SLC25A26: variants seen among roughly 807,000 people sequenced by gnomAD.
The protein encoded by SLC25A26 is mitochondrial S-adenosylmethionine carrier protein.
In SLC25A26, 36 loss-of-function variants were observed where a neutral mutation model predicts 37.8. The ratio of observed to expected loss-of-function variants is 0.95; its 90% CI spans 0.73 to 1.26. The LOEUF (loss-of-function observed/expected upper bound fraction) is 1.26, where lower values mean the gene tolerates loss of function less well. Ranked by LOEUF, SLC25A26 falls within the 50% of genes most tolerant of loss-of-function variation. The probability of loss-of-function intolerance (pLI) is 0.00; values close to 1 mark genes in which losing one functional copy is unlikely to be tolerated. For synonymous variants in SLC25A26, 129 were observed against 122.5 expected (o/e 1.05, Z -0.35); for missense variants, 390 against 331.1 (o/e 1.18, Z -1.38).
intron 1 of SLC25A26, among the ~76,000 whole-genome samples, chr3:66,139,625 C>T (rs1451180709): frequency 6.6e-6 from 1 of 152,138 alleles, no homozygotes; most frequent in Non-Finnish European, 1.5e-5. Context: ...ATAAACAGGG[C>T]CCTGGCCATT....
At chr3:66,240,163 G>A (rs1162363222) in intron 2 of SLC25A26, among the ~76,000 whole-genome samples, 4 of 152,168 alleles carry the variant, frequency 2.6e-5, no homozygotes, top group African/African-American at 9.7e-5. Context: ...TTAGTGTCAC[G>A]TGGCATTTTA....
At chr3:66,371,182 AATG>A (rs1417177607) in intron 9 of SLC25A26, 7 of 1,471,252 alleles carry the variant, frequency 4.8e-6, no homozygotes, top group African/African-American at 2.8e-5. Flanking sequence ...AGGCATGTGA[AATG>A]ATGATTTTTC....
chr3:66,210,591 T>C (rs2071272137), intron 1 of SLC25A26, among the ~76,000 whole-genome samples: 1 of 152,086 alleles, frequency 6.6e-6, no homozygotes, highest in Non-Finnish European at 1.5e-5. Context: ...CTTTGCTCAC[T>C]GCAGCCTTGA....
At chr3:66,260,454 G>C (rs2073481082) in intron 3 of SLC25A26, among the ~76,000 whole-genome samples, 1 of 152,184 alleles carries the variant, frequency 6.6e-6, no homozygotes, top group Non-Finnish European at 1.5e-5. Flanking sequence ...AGATGATATC[G>C]TTTTGTAAAT....
chr3:66,220,952 A>C, upstream of SLC25A26: 9 of 867,572 alleles, frequency 1.0e-5, no homozygotes, highest in Non-Finnish European at 1.7e-5. Context: ...CTCGCGTTGC[A>C]CGTGCAGTTG....
chr3:66,181,531 A>G (rs959694649), intron 1 of SLC25A26, among the ~76,000 whole-genome samples: 1 of 152,230 alleles, frequency 6.6e-6, no homozygotes, highest in Non-Finnish European at 1.5e-5. Context: ...TTTACAAAGT[A>G]CTTCCATAGC....
At chr3:66,210,542 G>C (rs962806809) in intron 1 of SLC25A26, among the ~76,000 whole-genome samples, 1 of 151,952 alleles carries the variant, frequency 6.6e-6, no homozygotes, top group Non-Finnish European at 1.5e-5. Flanking sequence ...TGAGATGGGG[G>C]TCTCACTCTG....
Position 66,209,016 on chromosome 3 carries a change from A to T in SLC25A26, c.-353-11726A>T, listed in dbSNP as rs1576639273. Among the ~76,000 whole-genome samples, 39 of 122,952 alleles carry T rather than the reference A, an allele frequency of 3.2e-4. No homozygotes were observed. In the East Asian group the frequency reaches 5.3e-3, roughly 17 times the overall value. 80.7% of individuals were successfully genotyped at this position (122,952 alleles called of 152,430 possible). A position where few individuals can be genotyped will look rare whatever the true frequency, so the allele number is the denominator to read the frequency against. ...TATGTACCCATATAAAGGTATATAT[A>T]TATATACACACCCATATAAAGGTGT... is the stretch of plus-strand genomic sequence containing the variant. On this transcript the variant is annotated intron_variant, in intron 1 of 10. Coordinates refer to the SLC25A26 transcript ENST00000676754.
intron 3 of SLC25A26, among the ~76,000 whole-genome samples, chr3:66,246,935 C>T (rs561961037): frequency 2.0e-5 from 3 of 152,272 alleles, no homozygotes; most frequent in Admixed American, 2.0e-4. Flanking sequence ...GATCTCGGCT[C>T]ACTGCAACCT....
In SLC25A26 at chr3:66,370,575, G is replaced by A. The variant is rs778291182; in HGVS notation, c.680G>A (p.Gly227Glu). The change falls in exon 9 of 10, where the codon GGG becomes GAG. Residue 227 changes from glycine to glutamate, a missense_variant. Transcript: ENST00000354883. ...ADGNVLSVLHGVWRSQGLAGL... is the reference protein window; with the variant it reads ...ADGNVLSVLHEVWRSQGLAGL... The stretch of plus-strand genomic sequence containing the variant: ...GGGAATGTGCTCTCTGTCCTGCATG[G>A]GGTCTGGCGGTCACAGGGGCTGGCA... 3 of 1,613,754 alleles carry A rather than the reference G, an allele frequency of 1.9e-6. No homozygotes were observed. Among genetic ancestry groups the A allele is most frequent in the East Asian group, 4.5e-5 (2 of 44,896 alleles).
chr3:66,266,266 T>G (rs1052109631), intron 5 of SLC25A26, among the ~76,000 whole-genome samples: 1 of 152,184 alleles, frequency 6.6e-6, no homozygotes, highest in Non-Finnish European at 1.5e-5. Flanking sequence ...CTTCTCAAAA[T>G]GAGAAAAATA....
intron 5 of SLC25A26, among the ~76,000 whole-genome samples, chr3:66,328,370 T>A (rs1258359634): frequency 1.3e-5 from 2 of 152,216 alleles, no homozygotes; most frequent in African/African-American, 4.8e-5. Context: ...CGTGAATCAG[T>A]GTTAGACCTT....
At chr3:66,241,497 T>C (rs1286784908) in intron 2 of SLC25A26, among the ~76,000 whole-genome samples, 1 of 152,222 alleles carries the variant, frequency 6.6e-6, no homozygotes, top group Non-Finnish European at 1.5e-5. Flanking sequence ...GGTTACATAG[T>C]GATGTCATTA....
intron 1 of SLC25A26, among the ~76,000 whole-genome samples, chr3:66,187,713 C>T (rs981514347): frequency 1.4e-3 from 212 of 151,680 alleles, no homozygotes; most frequent in African/African-American, 4.8e-3. Flanking sequence ...AACCCCTACA[C>T]TCACACACAC....
At chr3:66,284,760 A>G (rs1279342204) in intron 5 of SLC25A26, among the ~76,000 whole-genome samples, 5 of 152,208 alleles carry the variant, frequency 3.3e-5, no homozygotes, top group Non-Finnish European at 7.3e-5. Flanking sequence ...CCACATTTTC[A>G]AATGGTGCAG....
intron 1 of SLC25A26, among the ~76,000 whole-genome samples, chr3:66,178,051 T>G (rs2070622592): frequency 6.6e-6 from 1 of 152,184 alleles, no homozygotes; most frequent in Admixed American, 6.5e-5. Flanking sequence ...AGACAGCTCG[T>G]GGGAATTGGA....
At chr3:66,147,287 C>A (rs903012518) in intron 1 of SLC25A26, among the ~76,000 whole-genome samples, 5 of 151,578 alleles carry the variant, frequency 3.3e-5, no homozygotes, top group African/African-American at 1.2e-4. Flanking sequence ...CCTCATCCTC[C>A]CAAGTAGCTG....
At chr3:66,372,909 C>G (rs1334286617) in intron 9 of SLC25A26, among the ~76,000 whole-genome samples, 2 of 152,140 alleles carry the variant, frequency 1.3e-5, no homozygotes, top group African/African-American at 4.8e-5. Flanking sequence ...TTCCAGCAGA[C>G]ACCATCTCCT....
chr3:66,163,764 C>A (rs2070390280), intron 1 of SLC25A26, among the ~76,000 whole-genome samples: 1 of 152,176 alleles, frequency 6.6e-6, no homozygotes, highest in Admixed American at 6.5e-5. Context: ...TCTGATTGAG[C>A]CCCAAGATGA....
Sources: allele counts gnomAD v4.1 joint callset (sites outside exome capture counted in the v4.1 genomes callset), GRCh38; gene constraint gnomAD v4.1.1; transcripts MANE v1.5; gene names NCBI Gene and HGNC (gene_info 2026-07-23, HGNC 2026-07-21).